GRAMD1B: variants seen among roughly 807,000 people sequenced by gnomAD.
GRAMD1B encodes protein Aster-B.
A neutral mutation model predicts 99.7 loss-of-function variants in GRAMD1B; 37 were observed. The observed-to-expected ratio is 0.37, with a 90% confidence interval of 0.29 to 0.49. The LOEUF is 0.49. Among genes scored for constraint, GRAMD1B ranks in the 20% least tolerant of loss-of-function variants. The pLI, the probability that GRAMD1B is intolerant of heterozygous loss-of-function variation, is 0.98. For missense variants in GRAMD1B, 888 were observed against 1,009.2 expected (o/e 0.88, Z 1.63); for synonymous variants, 427 against 387.6 (o/e 1.10, Z -1.19).
chr11:123,479,619 A>T (rs1402028646), intron 1 of GRAMD1B, among the ~76,000 whole-genome samples: 1 of 152,178 alleles, frequency 6.6e-6, no homozygotes, highest in African/African-American at 2.4e-5. Flanking sequence ...AATAGAACCT[A>T]TGTAAAACAG....
intron 2 of GRAMD1B, among the ~76,000 whole-genome samples, chr11:123,546,358 C>T (rs1296498): frequency 0.37 from 55,777 of 152,104 alleles, 12,038 homozygotes; most frequent in African/African-American, 0.6. Context: ...TTATAACTTC[C>T]TGGTTTTGCT....
At chr11:123,507,678 G>A (rs1486516037) in intron 2 of GRAMD1B, among the ~76,000 whole-genome samples, 1 of 152,130 alleles carries the variant, frequency 6.6e-6, no homozygotes, top group Non-Finnish European at 1.5e-5. Context: ...GGACATAGGA[G>A]ATTGGTTTAA....
intron 1 of GRAMD1B, among the ~76,000 whole-genome samples, chr11:123,396,815 A>G (rs1477291032): frequency 1.3e-5 from 2 of 152,230 alleles, no homozygotes; most frequent in African/African-American, 4.8e-5. Context: ...GCAGAGAGGG[A>G]AAAACAGAAA....
chr11:123,614,719 G>C (rs1166525804), intron 16 of GRAMD1B, 26 bp from the exon 17 acceptor site: 2 of 1,457,632 alleles, frequency 1.4e-6, no homozygotes, highest in Non-Finnish European at 1.9e-6. Context: ...TCACCATGGT[G>C]ATGGTCTCTT....
At chr11:123,431,821 G>T (rs1215899252) in intron 1 of GRAMD1B, among the ~76,000 whole-genome samples, 1 of 152,166 alleles carries the variant, frequency 6.6e-6, no homozygotes, top group African/African-American at 2.4e-5. Flanking sequence ...TGTGGCATCT[G>T]GGTAATGGGA....
rs557750724 is a variant in GRAMD1B, at chr11:123,552,767, C to T, written c.453-24600C>T. On this transcript the variant is annotated intron_variant, in intron 2 of 19. Coordinates refer to ENST00000635736, the MANE Select transcript of GRAMD1B (RefSeq NM_001387025.1). ...ATCTCTTTGACTCAATTTTCTCTTC[C>T]GTGAAATTGGAATAATAAGATTAAA... 1.3e-4 allele frequency among the ~76,000 whole-genome samples: 20 copies of T among 152,118 alleles called. 1 individual carries two copies. Among genetic ancestry groups the T allele is most frequent in the Admixed American group, 7.2e-4 (11 of 15,276 alleles).
rs1000277049 is a variant in GRAMD1B, at chr11:123,577,218, G to A, written c.453-149G>A. ...ATTACGGTGCGGCAAGCCGCAGCCT[G>A]GGCCCCTCTCTCCCGGTTTCTCCCC... On this transcript the variant is annotated intron_variant, in intron 2 of 19. Transcript: ENST00000635736. 5.8e-6 allele frequency: 4 copies of A among 690,418 alleles called. No homozygotes were observed. The African/African-American group carries it at 7.1e-5, about 12-fold the overall frequency. The allele number at this position is 690,418 out of a possible 1,614,324, so 42.8% of individuals were successfully genotyped here. A position where few individuals can be genotyped will look rare whatever the true frequency, so the allele number is the denominator to read the frequency against.
intron 8 of GRAMD1B, among the ~76,000 whole-genome samples, chr11:123,601,701 G>A (rs1400057199): frequency 1.3e-5 from 2 of 152,136 alleles, no homozygotes; most frequent in Non-Finnish European, 2.9e-5. Context: ...TAACTTATTT[G>A]AGCTGTGGTC....
At chr11:123,575,898 A>G (rs1409381562) in intron 2 of GRAMD1B, among the ~76,000 whole-genome samples, 1 of 152,216 alleles carries the variant, frequency 6.6e-6, no homozygotes, top group Non-Finnish European at 1.5e-5. Flanking sequence ...GAGATTTTAA[A>G]TGCAAATTCT....
chr11:123,526,004 T>C (rs1166129438), intron 2 of GRAMD1B: 3 of 675,182 alleles, frequency 4.4e-6, no homozygotes, highest in Non-Finnish European at 8.0e-6. Context: ...TCTCCCTTTC[T>C]CTCTTTCTCT....
intron 2 of GRAMD1B, chr11:123,560,685 T>TGC: frequency 7.1e-5 from 1 of 13,990 alleles, no homozygotes; most frequent in Non-Finnish European, 8.5e-5. Context: ...GCCTGGTGCG[T>TGC]GTGTGTGTGT....
chr11:123,607,689 AC>A (rs67584914), intron 11 of GRAMD1B: 132,215 of 152,192 alleles, frequency 0.87, 57,583 homozygotes, highest in East Asian at 1. Context: ...ATAGGACTTG[AC>A]CCCTACAGGG....
rs1555070583 is a variant in GRAMD1B at position 123,554,542 on chromosome 11, A to AAAAG, written c.453-22813_453-22810dup. 2.3e-3 allele frequency among the ~76,000 whole-genome samples: 329 copies of AAAAG among 143,904 alleles called. 1 individual carries two copies. Among genetic ancestry groups the AAAAG allele is most frequent in the African/African-American group, 5.7e-3 (199 of 34,892 alleles). 94.4% of individuals were successfully genotyped at this position (143,904 alleles called of 152,430 possible). A position where few individuals can be genotyped will look rare whatever the true frequency, so the allele number is the denominator to read the frequency against. ...CATCTTTACAAAAAAAAAAAAAAAA[A>AAAAG]AAAGAAAGAAAGAAACAAAATGCCG... is the stretch of plus-strand genomic sequence containing the variant. On this transcript the variant is annotated intron_variant, in intron 2 of 19. Coordinates refer to ENST00000635736, the MANE Select transcript of GRAMD1B (RefSeq NM_001387025.1).
At position 123,596,031 on chromosome 11, in the gene GRAMD1B, A is replaced by G; in HGVS notation, c.963A>G (p.Ser321=). 6.3e-7 allele frequency: 1 copy of G among 1,577,840 alleles called. No individual in the cohort carries two copies. Among genetic ancestry groups the G allele is most frequent in the Non-Finnish European group, 8.7e-7 (1 of 1,151,048 alleles). Residue 321 remains serine, a synonymous_variant, in exon 7 of 20, where the codon TCA becomes TCG. Coordinates refer to ENST00000635736, the MANE Select transcript of GRAMD1B (RefSeq NM_001387025.1). ...ATGCCATCCAAGTTTGCACTGATTC[A>G]GAAAAGGTAAGTGGAGTCTAACTCT... ...IPNAIQVCTD[S]EKHFFTSFGA...
intron 19 of GRAMD1B, among the ~76,000 whole-genome samples, chr11:123,620,246 G>A (rs2137142276): frequency 6.6e-6 from 1 of 152,204 alleles, no homozygotes; most frequent in South Asian, 2.1e-4. Flanking sequence ...GGCTGAAGAG[G>A]GCAGATCACT....
At chr11:123,617,942 G>C (rs1255687755) in intron 17 of GRAMD1B, among the ~76,000 whole-genome samples, 1 of 152,188 alleles carries the variant, frequency 6.6e-6, no homozygotes, top group Non-Finnish European at 1.5e-5. Context: ...GGAAACCTCA[G>C]CCTGTCTGCA....
At chr11:123,426,588 G>A (rs1170035143), upstream of GRAMD1B, among the ~76,000 whole-genome samples, 3 of 84,250 alleles carry the variant, frequency 3.6e-5, no homozygotes, top group East Asian at 4.5e-4. Context: ...TGGGCCAACC[G>A]TTGGGATTGG....
chr11:123,521,060 C>G (rs766631743), intron 2 of GRAMD1B, among the ~76,000 whole-genome samples: 52 of 152,258 alleles, frequency 3.4e-4, no homozygotes, highest in Middle Eastern at 3.4e-3. Context: ...GTCTTTCGTG[C>G]ATGCCTCTGA....
intron 2 of GRAMD1B, among the ~76,000 whole-genome samples, chr11:123,573,141 G>A (rs566676939): frequency 6.6e-6 from 1 of 152,148 alleles, no homozygotes; most frequent in Non-Finnish European, 1.5e-5. Flanking sequence ...TGGGGCAGGG[G>A]CGCAGGTAGG....
Sources: gnomAD v4.1 joint callset for allele counts (sites outside exome capture counted in the v4.1 genomes callset) on GRCh38, gnomAD v4.1.1 for gene constraint, MANE v1.5 for transcripts, NCBI Gene and HGNC (gene_info 2026-07-23, HGNC 2026-07-21) for gene names.